Variants in TMCO6 observed in about 807,000 individuals in gnomAD.
TMCO6 encodes the protein transmembrane and coiled-coil domain-containing protein 6.
Under a neutral mutation model 61.8 loss-of-function variants are expected in TMCO6, and 47 were observed. The observed-to-expected ratio is 0.76, with a 90% CI of 0.60 to 0.97. TMCO6 has a LOEUF of 0.97. TMCO6 is among the 50% of genes least tolerant of loss of function. TMCO6 has a pLI of 0.00. For synonymous variants in TMCO6, 261 were observed against 254.2 expected, an observed-to-expected ratio of 1.03 and a Z score of -0.25; for missense variants, 557 against 601.6, an observed-to-expected ratio of 0.93 and a Z score of 0.78.
the TMCO6 span, among the ~76,000 whole-genome samples, chr5:140,612,588 C>T: frequency 1.8e-4 from 27 of 152,230 alleles, no homozygotes; most frequent in Admixed American, 3.3e-4. Flanking sequence ...ATCCACCCGC[C>T]TCGGCCTCCC....
At chr5:140,637,974 C>CCTTTCTTTCTTTCTTTCTTTCTTTCTTT (rs202156970), upstream of TMCO6, among the ~76,000 whole-genome samples, 10 of 150,520 alleles carry the variant, frequency 6.6e-5, no homozygotes, top group African/African-American at 2.5e-4. Context: ...TTCTTTTCTC[C>CCTTTCTTTCTTTCTTTCTTTCTTTCTTT]CTTTCTTTCT....
In TMCO6 at chr5:140,645,090, C is replaced by T; in HGVS notation, c.1474C>T (p.Gln492Ter). 6.2e-7 allele frequency: 1 copy of T among 1,614,080 alleles called. No individual in the cohort carries two copies. Among genetic ancestry groups the T allele is most frequent in the East Asian group, 2.2e-5 (1 of 44,888 alleles). ...RVYALQQTAL[Q>*]G ...GTATGCTCTCCAGCAGACAGCTCTT[C>T]AAGGGTGATCTTGTTTCTCAATGTC... The change falls in exon 12 of 12, where the codon CAA becomes TAA. Residue 492 changes from glutamine to a stop codon, truncating the protein, a stop_gained. Transcript: ENST00000394671. LOFTEE classifies it high-confidence loss of function.
the TMCO6 span, chr5:140,632,456 G>A: frequency 1.2e-6 from 2 of 1,614,204 alleles, no homozygotes; most frequent in Non-Finnish European, 1.7e-6. This position sits in a 1 kb window ranked among gnomAD's most constrained non-coding sequence, Gnocchi z 6.2. Context: ...CTTGGGCAAT[G>A]CTCAGTACCT....
the TMCO6 span, among the ~76,000 whole-genome samples, chr5:140,600,899 A>G: frequency 1.3e-4 from 20 of 152,194 alleles, no homozygotes; most frequent in African/African-American, 4.6e-4. Flanking sequence ...AAACATACGA[A>G]TTTTAATCCA....
downstream of TMCO6, chr5:140,647,548 T>C (rs755904736): frequency 1.8e-5 from 29 of 1,611,900 alleles, no homozygotes; most frequent in Non-Finnish European, 2.2e-5. Flanking sequence ...GGCCCAGCTT[T>C]GCCCCGACTC....
At chr5:140,620,638 A>G in the TMCO6 span, among the ~76,000 whole-genome samples, 1 of 152,202 alleles carries the variant, frequency 6.6e-6, no homozygotes, top group African/African-American at 2.4e-5. Context: ...CCAGGGGTAT[A>G]TGGAAAATCT....
At chr5:140,632,384 G>A in the TMCO6 span, 1 of 1,614,070 alleles carries the variant, frequency 6.2e-7, no homozygotes, top group South Asian at 1.1e-5. The surrounding 1 kb of genome is among the most constrained non-coding windows in gnomAD (Gnocchi z 6.2). Flanking sequence ...TGTCAGACAG[G>A]TCTAGGCTGG....
At chr5:140,612,073 TTGATTCCAGA>T in the TMCO6 span, among the ~76,000 whole-genome samples, 1 of 152,178 alleles carries the variant, frequency 6.6e-6, no homozygotes, top group Non-Finnish European at 1.5e-5. Context: ...TAATGTCATT[TTGATTCCAGA>T]TGACAGAGCA....
chr5:140,643,620 T>C lies in TMCO6; in HGVS notation c.863T>C (p.Leu288Pro). The change falls in exon 8 of 12, where the codon CTG becomes CCG. Residue 288 changes from leucine to proline, a missense_variant. Transcript: ENST00000394671. ...GHGALSTLGL[L>P]LLDLAGAVQK... ...GGGGCTCTGTCTACTCTGGGGTTGC[T>C]GCTGTTGGACTTGGCTGGGGCTGTC... 1 of 1,614,102 alleles carries C rather than the reference T, an allele frequency of 6.2e-7. No individual in the cohort carries two copies. The highest frequency in any genetic ancestry group is 8.5e-7 in the Non-Finnish European group (1 of 1,179,992).
the TMCO6 span, chr5:140,632,114 C>T: frequency 6.2e-7 from 1 of 1,614,194 alleles, no homozygotes; most frequent in Non-Finnish European, 8.5e-7. The surrounding 1 kb of genome is among the most constrained non-coding windows in gnomAD (Gnocchi z 6.2). Context: ...CTTTAGGCAC[C>T]TGTTCCAGCC....
the TMCO6 span, among the ~76,000 whole-genome samples, chr5:140,598,784 G>T: frequency 3.4e-4 from 52 of 152,028 alleles, no homozygotes; most frequent in Non-Finnish European, 6.5e-4. Flanking sequence ...AACTACAAAA[G>T]AATTAGTCAG....
chr5:140,632,199 C>A, the TMCO6 span: 1 of 1,613,576 alleles, frequency 6.2e-7, no homozygotes, highest in Non-Finnish European at 8.5e-7. This position sits in a 1 kb window ranked among gnomAD's most constrained non-coding sequence, Gnocchi z 6.2. Flanking sequence ...TACGGTGGCG[C>A]GCAGCGAGTT....
At chr5:140,647,195 T>A (rs1432695380), downstream of TMCO6, 16 of 1,501,674 alleles carry the variant, frequency 1.1e-5, no homozygotes, top group East Asian at 2.3e-4. Context: ...GGGCGGTCCC[T>A]TCTCTTCTCA....
the TMCO6 span, among the ~76,000 whole-genome samples, chr5:140,622,503 T>C: frequency 0.033 from 5,057 of 152,182 alleles, 240 homozygotes; most frequent in African/African-American, 0.11. Flanking sequence ...GCTGTAGTGT[T>C]GATGTTTTCA....
Position 140,639,751 on chromosome 5 carries a change from CGCGGAGGGA to C in TMCO6, c.101_109del (p.Arg34_Glu36del). On this transcript the variant is annotated inframe_deletion, in exon 2 of 12. Transcript: ENST00000394671. ...CCTCTGCCCCCAGCACTGCGGAAGG[CGCGGAGGGA>C]GCAGCAGCTGGTCAGCAAGAGGCTG... The C allele has an allele frequency of 6.3e-7, 1 of 1,597,796 alleles. No homozygotes were observed. The highest frequency in any genetic ancestry group is 8.5e-7 in the Non-Finnish European group (1 of 1,173,296).
the TMCO6 span, among the ~76,000 whole-genome samples, chr5:140,629,565 T>C: frequency 1.3e-5 from 2 of 152,168 alleles, no homozygotes; most frequent in Non-Finnish European, 2.9e-5. Context: ...TCCAAATCTA[T>C]CTCATTATAT....
At chr5:140,628,559 C>A in the TMCO6 span, among the ~76,000 whole-genome samples, 1 of 152,144 alleles carries the variant, frequency 6.6e-6, no homozygotes, top group Non-Finnish European at 1.5e-5. Flanking sequence ...CTGCCTCAGC[C>A]TCCCAAATAG....
At chr5:140,632,487 T>A in the TMCO6 span, 1 of 1,614,068 alleles carries the variant, frequency 6.2e-7, no homozygotes, top group Non-Finnish European at 8.5e-7. The surrounding 1 kb of genome is among the most constrained non-coding windows in gnomAD (Gnocchi z 6.2). Context: ...CTTGAGCCAC[T>A]GCTGCAGCTC....
the TMCO6 span, among the ~76,000 whole-genome samples, chr5:140,604,780 CTT>C: frequency 3.3e-4 from 41 of 124,638 alleles, no homozygotes; most frequent in Admixed American, 4.8e-4. Flanking sequence ...TGTCATTTCT[CTT>C]TTTTTTTTTT....
Sources: allele counts gnomAD v4.1 joint callset (sites outside exome capture counted in the v4.1 genomes callset), GRCh38; gene constraint gnomAD v4.1.1; non-coding constraint Gnocchi (gnomAD v3.1); transcripts MANE v1.5; gene names NCBI Gene and HGNC (gene_info 2026-07-23, HGNC 2026-07-21).